UIMC1: variants seen among roughly 807,000 people sequenced by gnomAD.
UIMC1 encodes the protein BRCA1-A complex subunit RAP80.
A neutral mutation model predicts 84.9 loss-of-function variants in UIMC1; 42 were observed. That is an observed-to-expected ratio of 0.49 (90% CI 0.39 to 0.64). The LOEUF is 0.64. Among genes scored for constraint, UIMC1 ranks in the 30% least tolerant of loss-of-function variants. The probability of loss-of-function intolerance (pLI) is 0.00; values close to 1 mark genes in which losing one functional copy is unlikely to be tolerated. For synonymous variants in UIMC1, 281 were observed against 293.0 expected (o/e 0.96, Z 0.42); for missense variants, 825 against 847.6 (o/e 0.97, Z 0.33).
At chr5:176,932,858 C>CA (rs1763282196) in intron 10 of UIMC1, among the ~76,000 whole-genome samples, 1 of 106,686 alleles carries the variant, frequency 9.4e-6, no homozygotes. Flanking sequence ...AATAGCAATG[C>CA]TTTTTTTTTT....
In UIMC1 at chr5:176,905,366, T is replaced by A; in HGVS notation, c.2076A>T (p.Leu692Phe). Residue 692 changes from leucine (L) to phenylalanine (F), a missense_variant, in exon 15 of 15, where the codon TTA becomes TTT. By Grantham distance (22) the Leu-to-Phe change is conservative. Coordinates refer to ENST00000511320, the MANE Select transcript of UIMC1 (RefSeq NM_001199298.2). ...FVSISEATDC[L>F]VDFKKQVTVQ... The stretch of plus-strand genomic sequence containing the variant: ...CAGTAACTTGCTTTTTAAAGTCCAC[T>A]AAGCAATCTGTGGCTTCTGAAATGG... The A allele has an allele frequency of 6.2e-7, 1 of 1,614,188 alleles. No individual in the cohort carries two copies. Among genetic ancestry groups the A allele is most frequent in the Non-Finnish European group, 8.5e-7 (1 of 1,180,002 alleles).
intron 1 of UIMC1, among the ~76,000 whole-genome samples, chr5:176,989,237 T>C (rs1772462747): frequency 1.3e-5 from 2 of 152,182 alleles, no homozygotes; most frequent in Admixed American, 1.3e-4. Flanking sequence ...AATTAAGGGA[T>C]AGTAACAACA....
chr5:176,969,121 C>T lies in UIMC1; in HGVS notation c.634G>A (p.Val212Met), dbSNP rs1236742244. 6.2e-7 allele frequency: 1 copy of T among 1,614,230 alleles called. No homozygotes were observed. Among genetic ancestry groups the T allele is most frequent in the South Asian group, 1.1e-5 (1 of 91,084 alleles). The change falls in exon 6 of 15, where the codon GTG becomes ATG. Residue 212 changes from valine to methionine, a missense_variant. Coordinates refer to ENST00000511320, the MANE Select transcript of UIMC1 (RefSeq NM_001199298.2). Reference sequence around the variant, plus strand: ...CATCTGTCAAAAGATTTAACGTTCACATTCTCAAACACTGGCTGGCTTGAC... The same window carrying T: ...CATCTGTCAAAAGATTTAACGTTCATATTCTCAAACACTGGCTGGCTTGAC... ...DQSSQPVFEN[V>M]NVKSFDRCTG...
Position 176,959,703 on chromosome 5 carries a change from G to A in UIMC1, c.1201-1549C>T, listed in dbSNP as rs1031152958. On this transcript the variant is annotated intron_variant, in intron 6 of 14. Coordinates refer to ENST00000511320, the MANE Select transcript of UIMC1 (RefSeq NM_001199298.2). ...TGCACTCCAGCCTGGGCGACAGAGC[G>A]AGACTCCGTCTCAAAAAAAAAAAAA... 1.4e-4 allele frequency among the ~76,000 whole-genome samples: 17 copies of A among 123,726 alleles called. 1 individual carries two copies. Among genetic ancestry groups the A allele is most frequent in the East Asian group, 1.2e-3 (5 of 4,014 alleles). 81.2% of individuals were successfully genotyped at this position (123,726 alleles called of 152,430 possible). A position where few individuals can be genotyped will look rare whatever the true frequency, so the allele number is the denominator to read the frequency against.
At chr5:176,941,944 A>G (rs745438817) in intron 10 of UIMC1, among the ~76,000 whole-genome samples, 2 of 152,114 alleles carry the variant, frequency 1.3e-5, no homozygotes, top group Non-Finnish European at 2.9e-5. Context: ...CCCGGGTTCA[A>G]GCAATTCTCC....
At chr5:176,982,125 A>G (rs1462046848) in intron 2 of UIMC1, among the ~76,000 whole-genome samples, 2 of 152,218 alleles carry the variant, frequency 1.3e-5, no homozygotes, top group Admixed American at 1.3e-4. Context: ...TATGTAGAAC[A>G]TATCAAGAGA....
intron 11 of UIMC1, 66 bp from the exon 12 acceptor site, chr5:176,908,760 A>T: frequency 1.3e-6 from 2 of 1,539,058 alleles, no homozygotes; most frequent in South Asian, 2.5e-5. Context: ...GGGCCCCTGG[A>T]TATGTCTCAA....
upstream of UIMC1, among the ~76,000 whole-genome samples, chr5:177,007,685 T>C (rs554285357): frequency 8.5e-5 from 13 of 152,220 alleles, no homozygotes; most frequent in South Asian, 2.7e-3. Flanking sequence ...AATCTATGTG[T>C]GTAAAAGTAT....
chr5:176,908,745 C>A (rs1235122591), intron 11 of UIMC1, 51 bp from the exon 12 acceptor site: 2 of 1,567,510 alleles, frequency 1.3e-6, no homozygotes, highest in Non-Finnish European at 8.7e-7. Context: ...TGTGCTTTTG[C>A]CTCTGGGCCC....
At chr5:176,949,055 C>T (rs569353809) in intron 9 of UIMC1, among the ~76,000 whole-genome samples, 1 of 151,690 alleles carries the variant, frequency 6.6e-6, no homozygotes, top group African/African-American at 2.4e-5. Flanking sequence ...AATGTGTAAT[C>T]TTGGTCTAGT....
chr5:177,007,161 A>C (rs142037642), upstream of UIMC1, among the ~76,000 whole-genome samples: 810 of 151,964 alleles, frequency 5.3e-3, 8 homozygotes, highest in African/African-American at 0.019. Flanking sequence ...GTCAACATAG[A>C]GAAACCCCTT....
chr5:176,968,641 T>C lies in UIMC1; in HGVS notation c.1114A>G (p.Lys372Glu), dbSNP rs755409087. The C allele has an allele frequency of 1.9e-5, 31 of 1,613,992 alleles. No homozygotes were observed. The highest frequency in any genetic ancestry group is 4.0e-5 in the African/African-American group (3 of 74,928). The change falls in exon 6 of 15, where the codon AAA becomes GAA. Residue 372 changes from lysine to glutamate, a missense_variant. Lys to Glu is a moderately conservative substitution (Grantham distance 56, BLOSUM62 1). Transcript: ENST00000511320. The stretch of plus-strand genomic sequence containing the variant: ...GAGCTTTCCTGGAAATCCTTGGTTT[T>C]TGAGTGCCAGTCAGATGCCCTAGAC... ...QESRASDWHS[K>E]TKDFQESSIK...
intron 3 of UIMC1, among the ~76,000 whole-genome samples, chr5:176,973,822 G>C (rs972758187): frequency 1.3e-5 from 2 of 151,976 alleles, no homozygotes; most frequent in African/African-American, 4.8e-5. Flanking sequence ...AGGATCACTT[G>C]AGCCCAGGAG....
Position 176,908,667 on chromosome 5 carries a change from G to GGA in UIMC1, c.1702_1703dup (p.Leu569ProfsTer45). 1.9e-6 allele frequency: 3 copies of GGA among 1,613,536 alleles called. No homozygotes were observed. The highest frequency in any genetic ancestry group is 1.7e-6 in the Non-Finnish European group (2 of 1,179,710). On this transcript the variant is annotated frameshift_variant, in exon 12 of 15. Transcript: ENST00000511320. LOFTEE classifies it high-confidence loss of function. ...ACTGATACTCTCTAAATGGGACCAG[G>GGA]GATTTACAGAGGTAACACTTCTCAT...
intron 8 of UIMC1, 56 bp downstream of exon 8, chr5:176,955,903 G>A (rs1766537697): frequency 6.5e-7 from 1 of 1,532,350 alleles, no homozygotes; most frequent in African/African-American, 1.4e-5. Flanking sequence ...AAATTAATAG[G>A]CATGAAAAGG....
chr5:176,980,837 A>G (rs1770923350), intron 2 of UIMC1, among the ~76,000 whole-genome samples: 1 of 152,150 alleles, frequency 6.6e-6, no homozygotes, highest in Admixed American at 6.5e-5. Context: ...CCTAGGCTCA[A>G]GCAATTCTCC....
chr5:176,936,092 G>C (rs150883960), intron 10 of UIMC1, among the ~76,000 whole-genome samples: 315 of 152,184 alleles, frequency 2.1e-3, no homozygotes, highest in African/African-American at 6.9e-3. Flanking sequence ...TACCCAACTA[G>C]TGGCTTATCT....
intron 3 of UIMC1, among the ~76,000 whole-genome samples, chr5:176,971,946 C>T (rs749128102): frequency 2.0e-5 from 3 of 152,126 alleles, no homozygotes; most frequent in East Asian, 1.9e-4. Context: ...TAAGTTCATA[C>T]TAATATTTTT....
At chr5:176,970,946 A>C in intron 3 of UIMC1, 80 bp from the exon 4 acceptor site, 1 of 1,521,676 alleles carries the variant, frequency 6.6e-7, no homozygotes, top group South Asian at 1.2e-5. Flanking sequence ...GAATTATTAA[A>C]CTTTTCAACT....
Sources: gnomAD v4.1 joint callset for allele counts (sites outside exome capture counted in the v4.1 genomes callset) on GRCh38, gnomAD v4.1.1 for gene constraint, MANE v1.5 for transcripts, NCBI Gene and HGNC (gene_info 2026-07-23, HGNC 2026-07-21) for gene names.